PDCD6IP: variants seen among roughly 807,000 people sequenced by gnomAD.
PDCD6IP encodes the protein programmed cell death 6-interacting protein.
In PDCD6IP, 43 loss-of-function variants were observed where a neutral mutation model predicts 103.7. That is an observed-to-expected ratio of 0.41 (90% CI 0.32 to 0.53). The LOEUF is 0.53. PDCD6IP is among the 20% of genes least tolerant of loss of function. The pLI, the probability that PDCD6IP is intolerant of heterozygous loss-of-function variation, is 0.16. For synonymous variants in PDCD6IP, 354 were observed against 378.7 expected, an observed-to-expected ratio of 0.93 and a Z score of 0.76; for missense variants, 871 against 1,036.7, an observed-to-expected ratio of 0.84 and a Z score of 2.20.
intron 1 of PDCD6IP, chr3:33,799,269 T>G: frequency 3.7e-6 from 1 of 272,990 alleles, no homozygotes. Context: ...TTTGGGTCTC[T>G]AACTGAAGCT....
At chr3:33,835,341 G>C in intron 7 of PDCD6IP, 1 of 456,412 alleles carries the variant, frequency 2.2e-6, no homozygotes. Flanking sequence ...TCTCTGTGTT[G>C]TGTGGTTTCC....
At chr3:33,825,062 A>G (rs57593132) in intron 4 of PDCD6IP, 125 bp from the exon 5 acceptor site, 61,864 of 808,154 alleles carry the variant, frequency 0.077, 4,599 homozygotes, top group African/African-American at 0.33. Context: ...TTGGTTTTGC[A>G]TAATATAAAA....
Position 33,828,915 on chromosome 3 carries a change from G to A in PDCD6IP, c.780G>A (p.Gln260=). 1.9e-6 allele frequency: 3 copies of A among 1,611,248 alleles called. No individual in the cohort carries two copies. Among genetic ancestry groups the A allele is most frequent in the Non-Finnish European group, 2.5e-6 (3 of 1,178,316 alleles). The change falls in exon 7 of 18, where the codon CAG becomes CAA. Residue 260 remains glutamine, a synonymous_variant. Transcript: ENST00000307296. ...TGCAGGCCAATGCTGAGTACCATCA[G>A]TCTATCCTGGCAAAACAGCAGAAGA... ...CIMQANAEYH[Q]SILAKQQKKF...
Position 33,836,078 on chromosome 3 carries a change from G to T in PDCD6IP, c.869G>T (p.Arg290Leu). ...GAACTGATTAAAACAGTGGCATCTC[G>T]CTATGATGAATATGTTAATGTGAAG... ...AAELIKTVAS[R>L]YDEYVNVKDF... is the part of the protein sequence containing the mutation. Residue 290 changes from arginine (R) to leucine (L), a missense_variant, in exon 8 of 18, where the codon CGC becomes CTC. Coordinates refer to ENST00000307296, the MANE Select transcript of PDCD6IP (RefSeq NM_013374.6). 1 of 1,610,734 alleles carries T rather than the reference G, an allele frequency of 6.2e-7. No homozygotes were observed. Among genetic ancestry groups the T allele is most frequent in the South Asian group, 1.1e-5 (1 of 90,966 alleles).
chr3:33,852,658 A>G lies in PDCD6IP; in HGVS notation c.1812A>G (p.Leu604=). 1 of 1,599,022 alleles carries G rather than the reference A, an allele frequency of 6.3e-7. No homozygotes were observed. Among genetic ancestry groups the G allele is most frequent in the Non-Finnish European group, 8.5e-7 (1 of 1,176,220 alleles). Residue 604 remains leucine (L), a synonymous_variant, in exon 13 of 18, where the codon CTA becomes CTG. Coordinates refer to ENST00000307296, the MANE Select transcript of PDCD6IP (RefSeq NM_013374.6). ...AAGAAGCTCTTTCTGTTACTGAACT[A>G]GATCGAGTCTATGGAGGTCTTACAA... The part of the protein sequence containing the change: ...INEEALSVTE[L]DRVYGGLTTK...
chr3:33,835,816 A>C (rs1031732919), intron 7 of PDCD6IP, among the ~76,000 whole-genome samples: 1 of 152,182 alleles, frequency 6.6e-6, no homozygotes, highest in Non-Finnish European at 1.5e-5. Context: ...TTATCTTGAT[A>C]ATCTGCCTGT....
At chr3:33,831,799 G>C (rs10212552) in intron 7 of PDCD6IP, among the ~76,000 whole-genome samples, 44,385 of 151,568 alleles carry the variant, frequency 0.29, 6,718 homozygotes, top group East Asian at 0.41. Flanking sequence ...ATTCTCACTT[G>C]TCATTCTTAC....
At chr3:33,819,206 GA>G (rs751690127) in intron 3 of PDCD6IP, among the ~76,000 whole-genome samples, 2 of 151,410 alleles carry the variant, frequency 1.3e-5, no homozygotes, top group African/African-American at 4.9e-5. Flanking sequence ...TTTAAAACTT[GA>G]AAAAAAATTT....
chr3:33,826,246 A>G (rs1250572104), intron 5 of PDCD6IP, among the ~76,000 whole-genome samples: 1 of 152,134 alleles, frequency 6.6e-6, no homozygotes. Flanking sequence ...GAACATTACC[A>G]TCATCCCAGA....
At chr3:33,799,021 C>G (rs529986014) in intron 1 of PDCD6IP, 84 bp downstream of exon 1, 3 of 1,278,336 alleles carry the variant, frequency 2.3e-6, no homozygotes, top group Non-Finnish European at 3.2e-6. Context: ...TCCTTCAATC[C>G]TGTAACCTGG....
chr3:33,845,260 C>T (rs1009842441), intron 11 of PDCD6IP, among the ~76,000 whole-genome samples, 159 bp from the exon 12 acceptor site: 10 of 152,046 alleles, frequency 6.6e-5, no homozygotes, highest in African/African-American at 1.9e-4. Context: ...AAAACGAGAA[C>T]GCAAAGACTG....
chr3:33,858,202 T>TA (rs1333067286), intron 15 of PDCD6IP, among the ~76,000 whole-genome samples: 1 of 152,140 alleles, frequency 6.6e-6, no homozygotes, highest in Non-Finnish European at 1.5e-5. Flanking sequence ...AAATATAAAA[T>TA]ATAAGTTTGT....
At chr3:33,838,144 AC>A (rs1697391145) in intron 8 of PDCD6IP, 59 bp from the exon 9 acceptor site, 2 of 1,450,970 alleles carry the variant, frequency 1.4e-6, no homozygotes, top group Non-Finnish European at 1.9e-6. Context: ...ATAAACAGTC[AC>A]TTTTACAGTT....
At chr3:33,826,642 T>C (rs999087582) in intron 6 of PDCD6IP, 62 bp downstream of exon 6, 3 of 1,595,676 alleles carry the variant, frequency 1.9e-6, no homozygotes, top group Non-Finnish European at 2.6e-6. Context: ...GACTTTTTTG[T>C]GTATAAGAAG....
chr3:33,825,174 T>G lies in PDCD6IP; in HGVS notation c.463-13T>G, dbSNP rs372807528. ...CTGAGTTCCTATAAAGAAATTCTTTTTCCCCCCTTTAGTTTGCTAGTGGTG... is the reference window on the plus strand; with the variant it reads ...CTGAGTTCCTATAAAGAAATTCTTTGTCCCCCCTTTAGTTTGCTAGTGGTG... On this transcript the variant is annotated splice_polypyrimidine_tract_variant and intron_variant, in intron 4 of 17. Transcript: ENST00000307296. 1 of 1,600,974 alleles carries G rather than the reference T, an allele frequency of 6.2e-7. No individual in the cohort carries two copies. Among genetic ancestry groups the G allele is most frequent in the South Asian group, 1.1e-5 (1 of 87,542 alleles).
intron 3 of PDCD6IP, among the ~76,000 whole-genome samples, chr3:33,814,576 A>G (rs1443711217): frequency 1.5e-5 from 2 of 133,802 alleles, no homozygotes; most frequent in South Asian, 2.4e-4. Context: ...ATATATGTAT[A>G]TTTCATGTAT....
intron 7 of PDCD6IP, among the ~76,000 whole-genome samples, chr3:33,831,232 A>AAC (rs71805290): frequency 0.082 from 12,311 of 150,116 alleles, 535 homozygotes; most frequent in African/African-American, 0.095. Flanking sequence ...AAGATACAGA[A>AAC]ACACACACAC....
intron 7 of PDCD6IP, among the ~76,000 whole-genome samples, chr3:33,831,400 T>C (rs1697241913): frequency 6.6e-6 from 1 of 152,126 alleles, no homozygotes. Context: ...TTAAGGAGAT[T>C]GTCATTATAG....
chr3:33,815,158 T>C (rs1241733967), intron 3 of PDCD6IP, among the ~76,000 whole-genome samples: 4 of 149,612 alleles, frequency 2.7e-5, no homozygotes, highest in Admixed American at 6.7e-5. Context: ...AATGGAAATA[T>C]ATATTTTATA....
Sources: gnomAD v4.1 joint callset for allele counts (sites outside exome capture counted in the v4.1 genomes callset) on GRCh38, gnomAD v4.1.1 for gene constraint, MANE v1.5 for transcripts, NCBI Gene and HGNC (gene_info 2026-07-23, HGNC 2026-07-21) for gene names.